ITGB4: variants seen among roughly 807,000 people sequenced by gnomAD.
ITGB4 encodes integrin subunit beta 4.
ITGB4 carries 159 observed loss-of-function variants against 207.6 expected under a neutral mutation model. That is an observed-to-expected ratio of 0.77 (90% CI 0.67 to 0.87). The LOEUF is 0.87. ITGB4 is among the 40% of genes least tolerant of loss of function. The probability of loss-of-function intolerance (pLI) is 0.00; values close to 1 mark genes in which losing one functional copy is unlikely to be tolerated. For missense variants in ITGB4, 2,278 were observed against 2,546.8 expected (o/e 0.89, Z 2.27); for synonymous variants, 1,020 against 1,062.7 (o/e 0.96, Z 0.78).
chr17:75,731,176 C>T lies in ITGB4; in HGVS notation c.1093-70C>T. The T allele has an allele frequency of 6.2e-7, 1 of 1,611,234 alleles. No homozygotes were observed. Among genetic ancestry groups the T allele is most frequent in the Non-Finnish European group, 8.5e-7 (1 of 1,179,060 alleles). On this transcript the variant is annotated intron_variant, in intron 9 of 39. Transcript: ENST00000200181. The surrounding 1 kb of genome is among the most constrained non-coding windows in gnomAD (Gnocchi z 6.8). Reference sequence around the variant, plus strand: ...CTGTGATACCCCGCATGATGCCAGCCACACTTGGAGGTTGGGGTGGAGCAC... The same window carrying T: ...CTGTGATACCCCGCATGATGCCAGCTACACTTGGAGGTTGGGGTGGAGCAC...
Position 75,750,377 on chromosome 17 carries a change from G to C in ITGB4, c.3474+109G>C, listed in dbSNP as rs1053895752. The C allele has an allele frequency of 8.7e-7, 1 of 1,152,594 alleles. No homozygotes were observed. The highest frequency in any genetic ancestry group is 1.5e-5 in the African/African-American group (1 of 65,126). The allele number at this position is 1,152,594 out of a possible 1,614,324, so 71.4% of individuals were successfully genotyped here. On this transcript the variant is annotated intron_variant, in intron 28 of 39. Transcript: ENST00000200181. This position sits in a 1 kb window ranked among gnomAD's most constrained non-coding sequence, Gnocchi z 5.5. ...AGGGCCCCCTGAGAGAGAGCAGACAGTGGAACCTAGCACAGGTGGTCAGAG... is the reference window on the plus strand; with the variant it reads ...AGGGCCCCCTGAGAGAGAGCAGACACTGGAACCTAGCACAGGTGGTCAGAG...
At chr17:75,735,989 G>A (rs922699271) in intron 13 of ITGB4, 62 bp from the exon 14 acceptor site, 20 of 1,512,964 alleles carry the variant, frequency 1.3e-5, no homozygotes, top group Non-Finnish European at 1.8e-5. Flanking sequence ...CCTGCCAGGT[G>A]GGCAGCCTGG....
intron 1 of ITGB4, among the ~76,000 whole-genome samples, chr17:75,723,120 G>C (rs927233922): frequency 2.6e-5 from 4 of 152,214 alleles, no homozygotes; most frequent in Admixed American, 2.0e-4. Context: ...CTGCCATGGA[G>C]GTTAAAGGCA....
In ITGB4 at chr17:75,727,950, A is replaced by G; in HGVS notation, c.469+95A>G. The stretch of plus-strand genomic sequence containing the variant: ...GGACTCAGGACAGCTGCACCCACCC[A>G]GAAGGAAACACTGGACATTTGAGCC... On this transcript the variant is annotated intron_variant, in intron 5 of 39. Coordinates refer to ENST00000200181, the MANE Select transcript of ITGB4 (RefSeq NM_000213.5). The surrounding 1 kb of genome is among the most constrained non-coding windows in gnomAD (Gnocchi z 6.0). 1 of 1,123,466 alleles carries G rather than the reference A, an allele frequency of 8.9e-7. No individual in the cohort carries two copies. The highest frequency in any genetic ancestry group is 1.3e-6 in the Non-Finnish European group (1 of 758,026). The allele number at this position is 1,123,466 out of a possible 1,614,324, so 69.6% of individuals were successfully genotyped here. A position where few individuals can be genotyped will look rare whatever the true frequency, so the allele number is the denominator to read the frequency against.
In ITGB4 at chr17:75,748,734, G is replaced by A; in HGVS notation, c.3112-107G>A. ...CTCGTGTAAGTACTCCACCCAGCAA[G>A]CAGGGATGGTCTCTGCAGTGTCCAT... On this transcript the variant is annotated intron_variant, in intron 26 of 39. Coordinates refer to ENST00000200181, the MANE Select transcript of ITGB4 (RefSeq NM_000213.5). 5.1e-6 allele frequency: 4 copies of A among 786,954 alleles called. No individual in the cohort carries two copies. The South Asian group carries it at 6.6e-5, about 13-fold the overall frequency. The allele number at this position is 786,954 out of a possible 1,614,324, so 48.7% of individuals were successfully genotyped here. A position where few individuals can be genotyped will look rare whatever the true frequency, so the allele number is the denominator to read the frequency against.
Position 75,730,441 on chromosome 17 carries a change from G to A in ITGB4, c.939G>A (p.Leu313=). 6.2e-7 allele frequency: 1 copy of A among 1,614,126 alleles called. No homozygotes were observed. ...DYPSVPTLVR[L]LAKHNIIPIF... is the part of the protein sequence containing the mutation. Reference sequence around the variant, plus strand: ...CGTCGGTGCCCACCCTGGTGCGCCTGCTCGCCAAGCACAACATCATCCCCA... The same window carrying A: ...CGTCGGTGCCCACCCTGGTGCGCCTACTCGCCAAGCACAACATCATCCCCA... The change falls in exon 8 of 40, where the codon CTG becomes CTA. Residue 313 remains leucine (L), a synonymous_variant. Transcript: ENST00000200181.
At chr17:75,751,595 G>T in intron 30 of ITGB4, 2 of 231,048 alleles carry the variant, frequency 8.7e-6, no homozygotes, top group Non-Finnish European at 1.7e-5. Flanking sequence ...CTAAAAATTA[G>T]ACAGGCATGG....
In ITGB4 at chr17:75,757,464, C is replaced by A; in HGVS notation, c.5378C>A (p.Thr1793Asn). 1.9e-6 allele frequency: 3 copies of A among 1,612,866 alleles called. No individual in the cohort carries two copies. The African/African-American group carries it at 4.0e-5, about 21-fold the overall frequency. ...AQHLEAGGSL[T>N]RHVTQEFVSR... ...CACCTGGAGGCAGGCGGCTCCCTCA[C>A]CCGGCATGTGACCCAGGAGTTTGTG... Residue 1793 changes from threonine (T) to asparagine (N), a missense_variant, in exon 40 of 40, where the codon ACC becomes AAC. Transcript: ENST00000200181.
intron 15 of ITGB4, 55 bp downstream of exon 15, chr17:75,736,441 T>C (rs820176): frequency 1.2e-6 from 2 of 1,610,118 alleles, no homozygotes; most frequent in African/African-American, 1.3e-5. Context: ...CACAGGGCAG[T>C]GTGGGCAGGA....
chr17:75,750,573 G>T lies in ITGB4; in HGVS notation c.3475-107G>T. 2 of 1,024,460 alleles carry T rather than the reference G, an allele frequency of 2.0e-6. No homozygotes were observed. Among genetic ancestry groups the T allele is most frequent in the South Asian group, 1.4e-5 (1 of 73,842 alleles). The allele number at this position is 1,024,460 out of a possible 1,614,324, so 63.5% of individuals were successfully genotyped here. A position where few individuals can be genotyped will look rare whatever the true frequency, so the allele number is the denominator to read the frequency against. The stretch of plus-strand genomic sequence containing the variant: ...GGCAGATCTCTCAGCCCCTCCCTCG[G>T]GCCTCATCTGTGCAAAGAGGACAGT... On this transcript the variant is annotated intron_variant, in intron 28 of 39. Transcript: ENST00000200181. The surrounding 1 kb of genome is among the most constrained non-coding windows in gnomAD (Gnocchi z 5.5).
At position 75,740,350 on chromosome 17, in the gene ITGB4, T is replaced by C. The variant is rs1216876335; in HGVS notation, c.2447-8T>C. ...TCCATCTCACCCCCTCCCACCGCCT[T>C]TCCTTAGTGCCCTACGGGCTGTCCT... On this transcript the variant is annotated splice_polypyrimidine_tract_variant and splice_region_variant and intron_variant, in intron 20 of 39. Coordinates refer to ENST00000200181, the MANE Select transcript of ITGB4 (RefSeq NM_000213.5). This position sits in a 1 kb window ranked among gnomAD's most constrained non-coding sequence, Gnocchi z 5.9. 1.2e-6 allele frequency: 2 copies of C among 1,611,770 alleles called. No individual in the cohort carries two copies. Among genetic ancestry groups the C allele is most frequent in the African/African-American group, 1.3e-5 (1 of 74,978 alleles).
rs780596600 is a variant in ITGB4 at position 75,724,684 on chromosome 17, T to A, written c.-10-10T>A. ...GGAGGCCTCATGTGTCAATTGTTGC[T>A]GTTCTGCAGGAGGAAGAGGATGGCA... On this transcript the variant is annotated splice_polypyrimidine_tract_variant and intron_variant, in intron 1 of 39. Coordinates refer to ENST00000200181, the MANE Select transcript of ITGB4 (RefSeq NM_000213.5). 1.9e-6 allele frequency: 3 copies of A among 1,606,454 alleles called. No individual in the cohort carries two copies. The Admixed American group carries it at 5.0e-5, about 27-fold the overall frequency.
rs761813808 is a variant in ITGB4 at position 75,756,787 on chromosome 17, T to C, written c.4981T>C (p.Trp1661Arg). 5.0e-6 allele frequency: 8 copies of C among 1,612,612 alleles called. No individual in the cohort carries two copies. The East Asian group carries it at 1.8e-4, about 36-fold the overall frequency. The change falls in exon 37 of 40, where the codon TGG becomes CGG. Residue 1661 changes from tryptophan to arginine, a missense_variant. Trp to Arg is a moderately radical substitution (Grantham distance 101, BLOSUM62 -3). Transcript: ENST00000200181. ...ALSPDSLQLS[W>R]ERPRRPNGDI... Reference sequence around the variant, plus strand: ...GAGCCCAGACTCGCTGCAGCTGAGCTGGGAGCGGCCACGGAGGCCCAATGG... The same window carrying C: ...GAGCCCAGACTCGCTGCAGCTGAGCCGGGAGCGGCCACGGAGGCCCAATGG...
At chr17:75,754,512 G>T in intron 33 of ITGB4, 64 bp from the exon 34 acceptor site, 1 of 1,607,788 alleles carries the variant, frequency 6.2e-7, no homozygotes. Flanking sequence ...GCAGGGCCCA[G>T]CCTGCCCCAC....
chr17:75,754,500 G>A, intron 33 of ITGB4, 76 bp from the exon 34 acceptor site: 3 of 1,594,306 alleles, frequency 1.9e-6, no homozygotes, highest in Non-Finnish European at 2.6e-6. Flanking sequence ...GACCAGGAAT[G>A]TGCAGGGCCC....
intron 26 of ITGB4, among the ~76,000 whole-genome samples, chr17:75,748,363 A>AAAAC (rs925634896): frequency 6.6e-6 from 1 of 150,612 alleles, no homozygotes; most frequent in African/African-American, 2.4e-5. Context: ...CCCTGTCTCA[A>AAAAC]AAACAAACAA....
intron 15 of ITGB4, 63 bp downstream of exon 15, chr17:75,736,449 G>A (rs1216922668): frequency 1.2e-6 from 2 of 1,609,208 alleles, no homozygotes; most frequent in Non-Finnish European, 8.5e-7. Context: ...AGTGTGGGCA[G>A]GAGGGGCTAA....
Position 75,757,492 on chromosome 17 carries a change from C to T in ITGB4, c.5406C>T (p.Ser1802=). ...GGCATGTGACCCAGGAGTTTGTGAGCCGGACACTGACCACCAGCGGAACCC... is the reference window on the plus strand; with the variant it reads ...GGCATGTGACCCAGGAGTTTGTGAGTCGGACACTGACCACCAGCGGAACCC... The part of the protein sequence containing the change: ...LTRHVTQEFV[S]RTLTTSGTLS... The change falls in exon 40 of 40, where the codon AGC becomes AGT. Residue 1802 remains serine, a synonymous_variant. Coordinates refer to ENST00000200181, the MANE Select transcript of ITGB4 (RefSeq NM_000213.5). 1 of 1,613,022 alleles carries T rather than the reference C, an allele frequency of 6.2e-7. No homozygotes were observed.
chr17:75,735,548 G>A (rs1011254860), intron 13 of ITGB4, among the ~76,000 whole-genome samples: 5 of 151,692 alleles, frequency 3.3e-5, no homozygotes, highest in Non-Finnish European at 7.4e-5. Context: ...GAGTAACTGG[G>A]ACTACAGGCA....
Sources: gnomAD v4.1 joint callset for allele counts (sites outside exome capture counted in the v4.1 genomes callset) on GRCh38, gnomAD v4.1.1 for gene constraint, Gnocchi (gnomAD v3.1) non-coding constraint, MANE v1.5 for transcripts, NCBI Gene and HGNC (gene_info 2026-07-23, HGNC 2026-07-21) for gene names.